PHTF1: variants seen among roughly 807,000 people sequenced by gnomAD.
PHTF1 encodes putative homeodomain transcription factor 1.
A neutral mutation model predicts 102.4 loss-of-function variants in PHTF1; 88 were observed. The observed-to-expected ratio is 0.86, with a 90% CI of 0.72 to 1.03. The LOEUF (loss-of-function observed/expected upper bound fraction) is 1.03. PHTF1 is among the 50% of genes least tolerant of loss of function. The probability of loss-of-function intolerance (pLI) is 0.00; values close to 1 mark genes in which losing one functional copy is unlikely to be tolerated. For synonymous variants in PHTF1, 289 were observed against 305.2 expected (o/e 0.95, Z 0.55); for missense variants, 814 against 909.5 (o/e 0.89, Z 1.35).
intron 3 of PHTF1, among the ~76,000 whole-genome samples, chr1:113,740,233 AT>A (rs930607337): frequency 4.0e-5 from 6 of 150,490 alleles, no homozygotes; most frequent in East Asian, 3.9e-4. Flanking sequence ...CCTTGCCAGC[AT>A]TTTTTTTTGT....
chr1:113,698,148 T>C, intron 18 of PHTF1, 114 bp downstream of exon 18: 2 of 695,336 alleles, frequency 2.9e-6, no homozygotes, highest in Non-Finnish European at 4.4e-6. Context: ...ATTTGCATGC[T>C]AGAAACACAC....
chr1:113,729,399 G>C lies in PHTF1; in HGVS notation c.332-2825C>G, dbSNP rs545385678. ...ATTGTACATTTAAAATGAACTAAAA[G>C]AGTATAACTGGATTGTTTGTAACAC... On this transcript the variant is annotated intron_variant, in intron 5 of 18. Coordinates refer to ENST00000369604, the MANE Select transcript of PHTF1 (RefSeq NM_001323043.2). 7.4e-4 allele frequency among the ~76,000 whole-genome samples: 112 copies of C among 152,254 alleles called. 1 individual carries two copies. The highest frequency in any genetic ancestry group is 2.5e-3 in the African/African-American group (103 of 41,554).
intron 5 of PHTF1, 95 bp from the exon 6 acceptor site, chr1:113,726,669 T>C (rs1275152672): frequency 1.3e-5 from 10 of 796,862 alleles, no homozygotes; most frequent in Non-Finnish European, 1.9e-5. Flanking sequence ...AAATCCATCA[T>C]TTAAAAAAGT....
rs1478428192 is a variant in PHTF1 at position 113,759,459 on chromosome 1, G to C, written c.-467C>G. 1 of 152,470 alleles carries C rather than the reference G, an allele frequency of 6.6e-6. No individual in the cohort carries two copies. Among genetic ancestry groups the C allele is most frequent in the African/African-American group, 2.4e-5 (1 of 41,460 alleles). 9.4% of individuals were successfully genotyped at this position (152,470 alleles called of 1,614,324 possible). A position where few individuals can be genotyped will look rare whatever the true frequency, so the allele number is the denominator to read the frequency against. On this transcript the variant is annotated 5_prime_UTR_variant, in exon 1 of 19. Coordinates refer to ENST00000369604, the MANE Select transcript of PHTF1 (RefSeq NM_001323043.2). ...CAGCGGCGCTCGTCTTCTGCGGGCC[G>C]CGCCGGGATGCAGTGACTCAGCCGT...
intron 3 of PHTF1, among the ~76,000 whole-genome samples, chr1:113,744,939 ACT>A (rs1338757426): frequency 7.3e-6 from 1 of 136,068 alleles, no homozygotes; most frequent in Non-Finnish European, 1.5e-5. Flanking sequence ...ACAGAGCAAG[ACT>A]CTGTCTCGAA....
intron 5 of PHTF1, among the ~76,000 whole-genome samples, chr1:113,734,133 G>T (rs533552526): frequency 6.6e-6 from 1 of 152,140 alleles, no homozygotes; most frequent in Non-Finnish European, 1.5e-5. Context: ...GGTGGCAGGT[G>T]CCTGTAATCC....
At chr1:113,698,190 T>A in intron 18 of PHTF1, 72 bp downstream of exon 18, 17 of 939,502 alleles carry the variant, frequency 1.8e-5, no homozygotes, top group East Asian at 2.9e-5. Context: ...CACACACACG[T>A]GTGAAGAACA....
chr1:113,723,136 T>C (rs967958020), intron 7 of PHTF1, among the ~76,000 whole-genome samples: 1 of 151,566 alleles, frequency 6.6e-6, no homozygotes, highest in Non-Finnish European at 1.5e-5. Flanking sequence ...TGGAACAGAA[T>C]TGAGAATCCG....
At chr1:113,733,607 C>T (rs561894448) in intron 5 of PHTF1, among the ~76,000 whole-genome samples, 5 of 152,084 alleles carry the variant, frequency 3.3e-5, no homozygotes, top group Non-Finnish European at 7.4e-5. Flanking sequence ...ACCTTATTAA[C>T]GAGATTCCAG....
intron 5 of PHTF1, among the ~76,000 whole-genome samples, chr1:113,730,391 T>C (rs1223376363): frequency 6.6e-6 from 1 of 152,236 alleles, no homozygotes; most frequent in Non-Finnish European, 1.5e-5. Flanking sequence ...ATACATATTA[T>C]ATGTTAGTGA....
chr1:113,738,980 T>C (rs923867478), intron 3 of PHTF1, among the ~76,000 whole-genome samples, 181 bp from the exon 4 acceptor site: 2 of 152,102 alleles, frequency 1.3e-5, no homozygotes, highest in Non-Finnish European at 2.9e-5. Context: ...GCCTCCTGAG[T>C]AGCTGGAATT....
chr1:113,722,168 G>A (rs1466149678), intron 7 of PHTF1, among the ~76,000 whole-genome samples: 3 of 151,682 alleles, frequency 2.0e-5, no homozygotes, highest in Admixed American at 6.6e-5. Flanking sequence ...TGAAGAGAAC[G>A]CAGCCGGGCG....
In PHTF1 at chr1:113,757,706, T is replaced by C; in HGVS notation, c.95A>G (p.Gln32Arg). 1.2e-6 allele frequency: 2 copies of C among 1,601,428 alleles called. No homozygotes were observed. Among genetic ancestry groups the C allele is most frequent in the South Asian group, 1.1e-5 (1 of 90,834 alleles). Residue 32 changes from glutamine to arginine, a missense_variant, in exon 3 of 19, where the codon CAG (glutamine) becomes CGG (arginine). Transcript: ENST00000369604. Reference sequence around the variant, plus strand: ...TCAAAGAAATCAATTTACCTTAATCTGAGTCTGTTCGATTGACTTTTCCCA... The same window carrying C: ...TCAAAGAAATCAATTTACCTTAATCCGAGTCTGTTCGATTGACTTTTCCCA... ...QIWEKSIEQT[Q>R]IKGLKNKPKK...
intron 7 of PHTF1, among the ~76,000 whole-genome samples, chr1:113,721,325 CA>C: frequency 6.6e-6 from 1 of 152,038 alleles, no homozygotes; most frequent in Non-Finnish European, 1.5e-5. Flanking sequence ...TAAGAATTCT[CA>C]AAAATCAGGG....
intron 3 of PHTF1, among the ~76,000 whole-genome samples, chr1:113,743,029 G>A (rs954719522): frequency 6.6e-6 from 1 of 151,970 alleles, no homozygotes; most frequent in Admixed American, 6.6e-5. Context: ...ACCCAGGCTG[G>A]TCTCAAACTC....
chr1:113,731,302 T>G (rs377066638), intron 5 of PHTF1, among the ~76,000 whole-genome samples: 1 of 151,960 alleles, frequency 6.6e-6, no homozygotes, highest in East Asian at 1.9e-4. Context: ...GGCAGGAAGA[T>G]CATTTGATCA....
chr1:113,730,910 T>C (rs1024409122), intron 5 of PHTF1, among the ~76,000 whole-genome samples: 7 of 152,172 alleles, frequency 4.6e-5, no homozygotes, highest in East Asian at 1.9e-4. Flanking sequence ...AATAAGCCAA[T>C]TGCAAAAGGA....
chr1:113,728,906 T>C (rs965468111), intron 5 of PHTF1, among the ~76,000 whole-genome samples: 2 of 152,190 alleles, frequency 1.3e-5, no homozygotes, highest in African/African-American at 4.8e-5. Context: ...AATGAGACTC[T>C]GTCTCAAAAC....
chr1:113,711,678 TA>T, intron 10 of PHTF1, 67 bp downstream of exon 10: 18 of 1,216,818 alleles, frequency 1.5e-5, no homozygotes, highest in East Asian at 2.3e-5. Flanking sequence ...GGGCAACCAA[TA>T]AAAAAAGGAA....
Sources: allele counts gnomAD v4.1 joint callset (sites outside exome capture counted in the v4.1 genomes callset), GRCh38; gene constraint gnomAD v4.1.1; transcripts MANE v1.5; gene names NCBI Gene and HGNC (gene_info 2026-07-23, HGNC 2026-07-21).